Variants in POF1B observed in about 807,000 individuals in gnomAD.
POF1B encodes POF1B actin binding protein.
Under a neutral mutation model 55.3 loss-of-function variants are expected in POF1B, and 53 were observed. That is an observed-to-expected ratio of 0.96 (90% CI 0.77 to 1.20). The LOEUF is 1.20. POF1B is among the 50% of genes most tolerant of loss of function. The pLI is 0.00. For synonymous variants in POF1B, 188 were observed against 148.3 expected (o/e 1.27, Z -1.95); for missense variants, 478 against 420.5 (o/e 1.14, Z -1.20).
At position 85,279,308 on chromosome X, in the gene POF1B, G is replaced by T; in HGVS notation, c.*113C>A. ...CATTAGATTTCTTGGGTAGCAGCAT[G>T]GTTCCAAATTCTGATTGGCCTTTAG... On this transcript the variant is annotated 3_prime_UTR_variant, in exon 17 of 17. Transcript: ENST00000262753. 1 of 748,817 alleles carries T rather than the reference G, an allele frequency of 1.3e-6. No homozygotes were observed. 61.7% of individuals were successfully genotyped at this position (748,817 alleles called of 1,213,427 possible).
chrX:85,313,770 C>A (rs1932757590), intron 9 of POF1B, among the ~76,000 whole-genome samples: 2 of 110,595 alleles, frequency 1.8e-5, no homozygotes, highest in Non-Finnish European at 3.8e-5. Context: ...CTCTTTGTAC[C>A]CCTGGTAGAA....
chrX:85,349,926 T>C (rs915267479), intron 5 of POF1B, among the ~76,000 whole-genome samples: 5 of 111,087 alleles, frequency 4.5e-5, no homozygotes, highest in African/African-American at 1.6e-4. Context: ...GACATGCTTA[T>C]ATGAACTGAG....
intron 3 of POF1B, among the ~76,000 whole-genome samples, chrX:85,360,029 A>G (rs1230878433): frequency 1.8e-5 from 2 of 111,082 alleles, no homozygotes; most frequent in African/African-American, 6.5e-5. Flanking sequence ...ATGTGTGTGT[A>G]GTTAAACATA....
intron 9 of POF1B, among the ~76,000 whole-genome samples, chrX:85,311,937 G>C (rs903028729): frequency 4.5e-5 from 5 of 112,221 alleles, no homozygotes; most frequent in African/African-American, 1.6e-4. Context: ...GTGATGATGA[G>C]CATTTTTTCA....
At position 85,315,733 on chromosome X, in the gene POF1B, T is replaced by C; in HGVS notation, c.856A>G (p.Lys286Glu). ...TCATCTGTAGACTCAAAGTCCTGTT[T>C]GCTGCAAGAACAAAAAAAAAGATAC... ...LEHLQRIGGS[K>E]QDFESTDESE... is the part of the protein sequence containing the mutation. The change falls in exon 8 of 17, where the codon AAA becomes GAA. Residue 286 changes from lysine (K) to glutamate (E), a missense_variant and splice_region_variant. Coordinates refer to ENST00000262753, the MANE Select transcript of POF1B (RefSeq NM_024921.4). The C allele has an allele frequency of 8.5e-7, 1 of 1,178,697 alleles. No individual in the cohort carries two copies.
At chrX:85,360,880 TA>T in intron 3 of POF1B, among the ~76,000 whole-genome samples, 1 of 110,270 alleles carries the variant, frequency 9.1e-6, no homozygotes, top group Non-Finnish European at 1.9e-5. Context: ...CAGCATCTGT[TA>T]GGTTTTATTT....
At chrX:85,318,040 AG>A (rs1468381108) in intron 7 of POF1B, among the ~76,000 whole-genome samples, 5 of 111,040 alleles carry the variant, frequency 4.5e-5, no homozygotes, top group African/African-American at 1.6e-4. Flanking sequence ...GGACACATAG[AG>A]GGGGAACAAC....
intron 15 of POF1B, among the ~76,000 whole-genome samples, chrX:85,297,095 A>G (rs1403721083): frequency 8.9e-6 from 1 of 112,035 alleles, no homozygotes; most frequent in African/African-American, 3.2e-5. Flanking sequence ...GTTCTTTCTT[A>G]AAGTGGCTAT....
chrX:85,319,462 G>A (rs1932815776), intron 7 of POF1B, among the ~76,000 whole-genome samples: 1 of 111,260 alleles, frequency 9.0e-6, no homozygotes, highest in Admixed American at 9.6e-5. Flanking sequence ...CAAGAAGAAT[G>A]CTTCTATCTT....
chrX:85,367,624 A>C (rs363758), intron 3 of POF1B, 68 bp downstream of exon 3: 7,987 of 785,410 alleles, frequency 0.01, 156 homozygotes, highest in African/African-American at 0.084. Flanking sequence ...AAGATTGCTT[A>C]CATACATGAA....
chrX:85,285,806 A>T lies in POF1B; in HGVS notation c.1650-3489T>A, dbSNP rs571682956. On this transcript the variant is annotated intron_variant, in intron 15 of 16. Transcript: ENST00000262753. ...CCTAGAAGTTAAAGTATAATAAAAA[A>T]TTTTTAAAAATGACCAGCTTACTCG... is the stretch of plus-strand genomic sequence containing the variant. 9.9e-5 allele frequency among the ~76,000 whole-genome samples: 11 copies of T among 111,646 alleles called. 1 individual carries two copies. In the South Asian group the frequency reaches 4.1e-3, roughly 42 times the overall value.
At chrX:85,351,027 G>T (rs1933374854) in intron 5 of POF1B, among the ~76,000 whole-genome samples, 1 of 111,573 alleles carries the variant, frequency 9.0e-6, no homozygotes, top group South Asian at 3.6e-4. Context: ...TTTAAATTAT[G>T]ATTTTTGTTG....
At chrX:85,342,537 A>G (rs904293829) in intron 6 of POF1B, among the ~76,000 whole-genome samples, 1 of 111,522 alleles carries the variant, frequency 9.0e-6, no homozygotes, top group Non-Finnish European at 1.9e-5. Flanking sequence ...ACATTAAAGT[A>G]TGATTCTTCC....
intron 2 of POF1B, among the ~76,000 whole-genome samples, chrX:85,371,799 T>C (rs926560837): frequency 1.8e-5 from 2 of 111,404 alleles, no homozygotes; most frequent in African/African-American, 6.5e-5. Context: ...TAATTTAAGT[T>C]TCCATAAACT....
intron 15 of POF1B, among the ~76,000 whole-genome samples, chrX:85,295,394 C>T (rs886582641): frequency 9.9e-5 from 11 of 111,357 alleles, no homozygotes; most frequent in African/African-American, 3.3e-4. Flanking sequence ...GCTTTGGATG[C>T]ATCCCAAAAT....
chrX:85,321,372 C>G (rs200659856), intron 7 of POF1B, among the ~76,000 whole-genome samples: 22,711 of 108,929 alleles, frequency 0.21, 2,473 homozygotes, highest in African/African-American at 0.39. Flanking sequence ...TGCAGAAAAG[C>G]CCTTTGACAA....
At chrX:85,372,773 C>CTATATATATATATATATATATATATA (rs200507402) in intron 2 of POF1B, among the ~76,000 whole-genome samples, 4 of 96,776 alleles carry the variant, frequency 4.1e-5, no homozygotes, top group African/African-American at 1.5e-4. Flanking sequence ...ATTATATATA[C>CTATATATATATATATATATATATATA]TATATATATA....
chrX:85,371,245 G>A (rs754853273), intron 2 of POF1B, among the ~76,000 whole-genome samples: 4 of 111,812 alleles, frequency 3.6e-5, no homozygotes, highest in South Asian at 3.7e-4. Context: ...TGTTTCTGAC[G>A]TTCTGTGAAT....
intron 9 of POF1B, among the ~76,000 whole-genome samples, chrX:85,312,109 C>T (rs984168292): frequency 8.9e-6 from 1 of 112,085 alleles, no homozygotes; most frequent in Non-Finnish European, 1.9e-5. Flanking sequence ...CAAACATTTT[C>T]TCCCATTCTG....
Sources: allele counts gnomAD v4.1 joint callset (sites outside exome capture counted in the v4.1 genomes callset), GRCh38; gene constraint gnomAD v4.1.1; transcripts MANE v1.5; gene names NCBI Gene and HGNC (gene_info 2026-07-23, HGNC 2026-07-21).